PLEKHG1: variants seen among roughly 807,000 people sequenced by gnomAD.
PLEKHG1 encodes pleckstrin homology domain-containing family G member 1.
In PLEKHG1, 44 loss-of-function variants were observed where a neutral mutation model predicts 100.8. That is an observed-to-expected ratio of 0.44 (90% confidence interval 0.34 to 0.56). The LOEUF is 0.56. Among genes scored for constraint, PLEKHG1 ranks in the 20% least tolerant of loss-of-function variants. The pLI is 0.01. For synonymous variants in PLEKHG1, 640 were observed against 662.5 expected (o/e 0.97, Z 0.52); for missense variants, 1,545 against 1,720.9 (o/e 0.90, Z 1.81).
intron 2 of PLEKHG1, among the ~76,000 whole-genome samples, chr6:150,761,099 C>CTTTTT (rs35068801): frequency 1.6e-3 from 156 of 95,862 alleles, no homozygotes; most frequent in Non-Finnish European, 2.1e-3. Flanking sequence ...TTCTTTTTTT[C>CTTTTT]TTTTTTTTTT....
At chr6:150,780,762 C>T (rs1785263658) in intron 3 of PLEKHG1, among the ~76,000 whole-genome samples, 1 of 152,096 alleles carries the variant, frequency 6.6e-6, no homozygotes, top group Non-Finnish European at 1.5e-5. Context: ...ATGTTAACGT[C>T]GTTCTTGAAT....
At chr6:150,770,392 G>A (rs1019784380) in intron 3 of PLEKHG1, among the ~76,000 whole-genome samples, 24 of 152,204 alleles carry the variant, frequency 1.6e-4, no homozygotes, top group African/African-American at 5.8e-4. Flanking sequence ...TAGGATGTAG[G>A]AAGTGTCAGT....
chr6:150,609,418 A>G (rs1037438612), intron 1 of PLEKHG1, among the ~76,000 whole-genome samples: 4 of 152,174 alleles, frequency 2.6e-5, no homozygotes, highest in Admixed American at 1.3e-4. Context: ...AGGGAATAAT[A>G]TGCTAGACTG....
chr6:150,792,581 G>A (rs1313330004), intron 4 of PLEKHG1, among the ~76,000 whole-genome samples: 2 of 151,780 alleles, frequency 1.3e-5, no homozygotes, highest in Non-Finnish European at 2.9e-5. Context: ...GGCTGAGGCA[G>A]GAGAGTCACT....
rs990661514 is a variant in PLEKHG1 at position 150,600,471 on chromosome 6, C to G, written c.-204+454C>G. ...CAGCCCCAGAACGGGACCCCACAGC[C>G]AGTCAGCTGGGTCAGCTCCCCAGCA... On this transcript the variant is annotated intron_variant, in intron 1 of 3. Coordinates refer to the PLEKHG1 transcript ENST00000367326. This position sits in a 1 kb window ranked among gnomAD's most constrained non-coding sequence, Gnocchi z 6.2. Among the ~76,000 whole-genome samples the G allele has an allele frequency of 1.5e-4, 23 of 151,912 alleles. No homozygotes were observed. The highest frequency in any genetic ancestry group is 2.5e-4 in the Non-Finnish European group (17 of 67,958).
intron 1 of PLEKHG1, among the ~76,000 whole-genome samples, chr6:150,634,954 A>T (rs1397572223): frequency 6.6e-6 from 1 of 152,214 alleles, no homozygotes; most frequent in Non-Finnish European, 1.5e-5. Context: ...GGGGATGTAG[A>T]AACTTAAAAC....
In PLEKHG1 at chr6:150,772,190, A is replaced by T. The variant is rs79427150; in HGVS notation, c.512+3452A>T. On this transcript the variant is annotated intron_variant, in intron 3 of 15. Coordinates refer to ENST00000358517, the Ensembl canonical transcript of PLEKHG1. The stretch of plus-strand genomic sequence containing the variant: ...CCATCACAGCAGATTTCAAGTTACT[A>T]ACACAACATCACTGAACATGGAATT... Among the ~76,000 whole-genome samples the T allele has an allele frequency of 3.0e-3, 460 of 152,264 alleles. 3 individuals are homozygous for T. The highest frequency in any genetic ancestry group is 0.011 in the African/African-American group (437 of 41,540).
intron 3 of PLEKHG1, among the ~76,000 whole-genome samples, chr6:150,715,993 A>G (rs1278877180): frequency 6.7e-6 from 1 of 149,014 alleles, no homozygotes; most frequent in Non-Finnish European, 1.5e-5. Context: ...CTGTAGTCCC[A>G]GCTACTCGGG....
At chr6:150,611,024 G>A (rs1562381119) in intron 1 of PLEKHG1, among the ~76,000 whole-genome samples, 1 of 152,130 alleles carries the variant, frequency 6.6e-6, no homozygotes. Context: ...ATATGGGGAG[G>A]GCATCATAGA....
At chr6:150,639,940 C>T (rs988553175) in intron 2 of PLEKHG1, among the ~76,000 whole-genome samples, 2 of 152,228 alleles carry the variant, frequency 1.3e-5, no homozygotes, top group African/African-American at 2.4e-5. Flanking sequence ...GAAGGGACCT[C>T]GGAGGTTTCT....
intron 3 of PLEKHG1, among the ~76,000 whole-genome samples, chr6:150,686,201 G>A (rs955433496): frequency 9.2e-5 from 14 of 152,196 alleles, no homozygotes; most frequent in African/African-American, 3.4e-4. Context: ...GAGCTAATTA[G>A]GTCATTGGAT....
intron 7 of PLEKHG1, among the ~76,000 whole-genome samples, chr6:150,806,199 A>G (rs1158934414): frequency 7.1e-6 from 1 of 141,084 alleles, no homozygotes; most frequent in African/African-American, 2.6e-5. Context: ...TCAGAGGAAG[A>G]TGACATTCTA....
chr6:150,717,773 A>G (rs938269575), upstream of PLEKHG1, among the ~76,000 whole-genome samples: 1 of 152,154 alleles, frequency 6.6e-6, no homozygotes, highest in African/African-American at 2.4e-5. Flanking sequence ...TGGCCACTCT[A>G]TCATTTAAAA....
intron 2 of PLEKHG1, among the ~76,000 whole-genome samples, chr6:150,739,665 C>CA (rs370749387): frequency 0.06 from 8,358 of 138,316 alleles, 718 homozygotes; most frequent in African/African-American, 0.19. Context: ...GAGACTCTGT[C>CA]AAAAAAAAAA....
chr6:150,724,476 A>G (rs1781855827), intron 1 of PLEKHG1, among the ~76,000 whole-genome samples: 1 of 152,234 alleles, frequency 6.6e-6, no homozygotes, highest in Admixed American at 6.5e-5. Flanking sequence ...CCACACACAA[A>G]AAAAGCATAC....
At chr6:150,745,682 CAAAAA>C (rs1388779071) in intron 2 of PLEKHG1, among the ~76,000 whole-genome samples, 1 of 77,308 alleles carries the variant, frequency 1.3e-5, no homozygotes, top group African/African-American at 4.8e-5. Flanking sequence ...GACTCCATCT[CAAAAA>C]AAAAAAAAAA....
chr6:150,762,773 G>T (rs998738601), intron 2 of PLEKHG1, among the ~76,000 whole-genome samples: 1 of 152,152 alleles, frequency 6.6e-6, no homozygotes, highest in African/African-American at 2.4e-5. Flanking sequence ...AGAAAGAAGA[G>T]AAAAGAGATT....
At chr6:150,768,235 A>C (rs1784537312) in intron 2 of PLEKHG1, among the ~76,000 whole-genome samples, 1 of 152,260 alleles carries the variant, frequency 6.6e-6, no homozygotes, top group Non-Finnish European at 1.5e-5. Flanking sequence ...TGTTTAAAAC[A>C]AATTCTGTCA....
rs199772812 is a variant in PLEKHG1 at position 150,821,272 on chromosome 6, G to T, written c.1447+39G>T. On this transcript the variant is annotated intron_variant, in intron 13 of 15. Transcript: ENST00000358517. The stretch of plus-strand genomic sequence containing the variant: ...TATATTTTCCTGTTTCATTCTTGTT[G>T]ATATTCACTAAATCAAACCACACAA... 9.7e-6 allele frequency: 13 copies of T among 1,341,246 alleles called. No individual in the cohort carries two copies. The African/African-American group carries it at 1.6e-4, about 16-fold the overall frequency. The allele number at this position is 1,341,246 out of a possible 1,614,324, so 83.1% of individuals were successfully genotyped here.
Sources: gnomAD v4.1 joint callset for allele counts (sites outside exome capture counted in the v4.1 genomes callset) on GRCh38, gnomAD v4.1.1 for gene constraint, Gnocchi (gnomAD v3.1) non-coding constraint, MANE v1.5 for transcripts, NCBI Gene and HGNC (gene_info 2026-07-23, HGNC 2026-07-21) for gene names.